Variants in PLEKHA7 observed in about 807,000 individuals in gnomAD.
PLEKHA7 encodes the protein pleckstrin homology domain-containing family A member 7.
In PLEKHA7, 104 loss-of-function variants were observed where a neutral mutation model predicts 170.0. That is an observed-to-expected ratio of 0.61 (90% CI 0.52 to 0.72). The LOEUF is 0.72. Ranked by LOEUF, PLEKHA7 falls within the 30% of genes least tolerant of loss-of-function variation. The pLI is 0.00. For missense variants in PLEKHA7, 1,615 were observed against 1,671.7 expected (o/e 0.97, Z 0.59); for synonymous variants, 648 against 660.8 (o/e 0.98, Z 0.30).
intron 4 of PLEKHA7, among the ~76,000 whole-genome samples, chr11:16,858,651 C>T (rs756468198): frequency 2.0e-5 from 3 of 152,108 alleles, no homozygotes; most frequent in Admixed American, 6.6e-5. Flanking sequence ...TGCCACCACA[C>T]CTGGCTAATT....
At chr11:16,836,198 G>A (rs1438356554) in intron 9 of PLEKHA7, among the ~76,000 whole-genome samples, 1 of 152,164 alleles carries the variant, frequency 6.6e-6, no homozygotes, top group Admixed American at 6.5e-5. Context: ...CTTGCCACCA[G>A]GCCCTAGATG....
intron 17 of PLEKHA7, among the ~76,000 whole-genome samples, chr11:16,797,278 A>C (rs1475564503): frequency 2.0e-5 from 3 of 152,104 alleles, no homozygotes; most frequent in African/African-American, 7.2e-5. Context: ...AAATGGGGGA[A>C]AGATAGCCTT....
chr11:16,862,672 A>T (rs932964643), intron 4 of PLEKHA7, among the ~76,000 whole-genome samples: 1 of 152,210 alleles, frequency 6.6e-6, no homozygotes, highest in Admixed American at 6.5e-5. Flanking sequence ...CAATGACTGC[A>T]TCCCCAGTGC....
At chr11:16,926,913 G>C (rs1286184482) in intron 3 of PLEKHA7, among the ~76,000 whole-genome samples, 3 of 152,196 alleles carry the variant, frequency 2.0e-5, no homozygotes, top group Non-Finnish European at 4.4e-5. Flanking sequence ...CGCTGTACAG[G>C]AATTTGGGAA....
chr11:16,794,898 T>A lies in PLEKHA7; in HGVS notation c.2518+12A>T. 1 of 1,587,952 alleles carries A rather than the reference T, an allele frequency of 6.3e-7. No homozygotes were observed. The highest frequency in any genetic ancestry group is 8.6e-7 in the Non-Finnish European group (1 of 1,158,776). On this transcript the variant is annotated intron_variant, in intron 18 of 26. Coordinates refer to ENST00000531066, the MANE Select transcript of PLEKHA7 (RefSeq NM_001329630.2). ...ATCAGATCCCCCACATCCAGGAAGA[T>A]GAACATCTCACCCGGATTTTTTACT... is the stretch of plus-strand genomic sequence containing the variant.
intron 3 of PLEKHA7, among the ~76,000 whole-genome samples, chr11:16,889,420 A>AAAAAAAAAAAATATAT (rs61086849): frequency 3.5e-4 from 26 of 74,652 alleles, no homozygotes; most frequent in Non-Finnish European, 5.7e-4. Flanking sequence ...AAAAAAAAAA[A>AAAAAAAAAAAATATAT]ATATATATAT....
chr11:16,995,544 C>G (rs769321046), intron 3 of PLEKHA7, among the ~76,000 whole-genome samples: 1 of 152,336 alleles, frequency 6.6e-6, no homozygotes, highest in Admixed American at 6.5e-5. Flanking sequence ...AGCACCTGCA[C>G]TATTATCCTG....
intron 3 of PLEKHA7, among the ~76,000 whole-genome samples, chr11:16,910,285 C>T (rs1215492873): frequency 6.6e-6 from 1 of 152,230 alleles, no homozygotes; most frequent in Non-Finnish European, 1.5e-5. Context: ...AATTAAGCGA[C>T]TTGCCCAAGA....
chr11:16,874,784 C>G (rs1435843815), intron 3 of PLEKHA7, among the ~76,000 whole-genome samples: 1 of 152,308 alleles, frequency 6.6e-6, no homozygotes, highest in South Asian at 2.1e-4. Context: ...AGTCCCCAAA[C>G]AGCCTTCAGT....
intron 10 of PLEKHA7, among the ~76,000 whole-genome samples, chr11:16,824,452 C>A (rs1478719501): frequency 6.6e-6 from 1 of 152,194 alleles, no homozygotes; most frequent in African/African-American, 2.4e-5. Flanking sequence ...GTGATGGACA[C>A]CCCAGTTACC....
At chr11:16,975,458 CAT>C (rs1378058722) in intron 3 of PLEKHA7, among the ~76,000 whole-genome samples, 8 of 152,016 alleles carry the variant, frequency 5.3e-5, no homozygotes, top group African/African-American at 1.7e-4. Context: ...AAATTAAGGA[CAT>C]GTATATTTTT....
At chr11:16,795,810 G>A (rs1366634296) in intron 17 of PLEKHA7, among the ~76,000 whole-genome samples, 1 of 149,456 alleles carries the variant, frequency 6.7e-6, no homozygotes, top group East Asian at 2.0e-4. Context: ...AATAATAAAG[G>A]TGGTAAATTT....
At chr11:16,942,046 G>T (rs1028145500) in intron 3 of PLEKHA7, among the ~76,000 whole-genome samples, 2 of 152,244 alleles carry the variant, frequency 1.3e-5, no homozygotes, top group Non-Finnish European at 2.9e-5. Context: ...TCACGCGTAA[G>T]TTCTAAGGAT....
chr11:16,910,283 G>A (rs1027147839), intron 3 of PLEKHA7, among the ~76,000 whole-genome samples: 6 of 152,168 alleles, frequency 3.9e-5, no homozygotes, highest in Admixed American at 6.5e-5. Context: ...AAAATTAAGC[G>A]ACTTGCCCAA....
intron 12 of PLEKHA7, 90 bp downstream of exon 12, chr11:16,816,088 C>T (rs1849729982): frequency 2.8e-6 from 3 of 1,089,068 alleles, no homozygotes; most frequent in Non-Finnish European, 1.4e-6. Context: ...GGGTTAATAG[C>T]TGCCCTCTGG....
In PLEKHA7 at chr11:16,863,720, C is replaced by T. The variant is rs1353566416; in HGVS notation, c.305+7379G>A. Among the ~76,000 whole-genome samples, 4 of 152,094 alleles carry T rather than the reference C, an allele frequency of 2.6e-5. No individual in the cohort carries two copies. The East Asian group carries it at 5.8e-4, about 22-fold the overall frequency. On this transcript the variant is annotated intron_variant, in intron 4 of 26. Coordinates refer to ENST00000531066, the MANE Select transcript of PLEKHA7 (RefSeq NM_001329630.2). ...ACTGAGGAGAAAACACTCCTGTACA[C>T]GGGCACCAAACATCAAAACCACAGT...
At chr11:16,958,592 C>G (rs1271088077) in intron 3 of PLEKHA7, among the ~76,000 whole-genome samples, 1 of 152,102 alleles carries the variant, frequency 6.6e-6, no homozygotes, top group Admixed American at 6.5e-5. Context: ...CTCTGTATTT[C>G]CCAAATTTTC....
intron 3 of PLEKHA7, among the ~76,000 whole-genome samples, chr11:16,956,477 A>AAGAT (rs1861710067): frequency 6.6e-6 from 1 of 152,210 alleles, no homozygotes; most frequent in Non-Finnish European, 1.5e-5. Flanking sequence ...TAACACAGCA[A>AAGAT]AGATAGACTC....
intron 3 of PLEKHA7, among the ~76,000 whole-genome samples, chr11:16,875,557 C>G (rs1855223068): frequency 6.6e-6 from 1 of 152,120 alleles, no homozygotes; most frequent in South Asian, 2.1e-4. Flanking sequence ...AGCAACATTC[C>G]TGCCTCAGTC....
Sources: gnomAD v4.1 joint callset for allele counts (sites outside exome capture counted in the v4.1 genomes callset) on GRCh38, gnomAD v4.1.1 for gene constraint, MANE v1.5 for transcripts, NCBI Gene and HGNC (gene_info 2026-07-23, HGNC 2026-07-21) for gene names.